Variants in ITGA9 observed in about 807,000 individuals in gnomAD.
The protein encoded by ITGA9 is integrin subunit alpha 9, also known as integrin alpha-9.
ITGA9 carries 56 observed loss-of-function variants against 127.8 expected under a neutral mutation model. The observed-to-expected ratio is 0.44, with a 90% confidence interval of 0.35 to 0.55. The LOEUF (loss-of-function observed/expected upper bound fraction) is 0.55. ITGA9 is among the 20% of genes least tolerant of loss of function. ITGA9 has a pLI of 0.00. For missense variants in ITGA9, 1,196 were observed against 1,347.1 expected (o/e 0.89, Z 1.76); for synonymous variants, 508 against 514.5 (o/e 0.99, Z 0.17).
chr3:37,504,327 G>A (rs949871281), intron 6 of ITGA9, among the ~76,000 whole-genome samples: 3 of 152,162 alleles, frequency 2.0e-5, no homozygotes, highest in Non-Finnish European at 2.9e-5. Flanking sequence ...ACATTTTATA[G>A]ATAAACTGAG....
At chr3:37,746,314 C>T (rs559846776) in intron 22 of ITGA9, among the ~76,000 whole-genome samples, 3 of 152,294 alleles carry the variant, frequency 2.0e-5, no homozygotes, top group South Asian at 2.1e-4. Flanking sequence ...CCATTGTACA[C>T]AGGAGAAAGG....
intron 15 of ITGA9, among the ~76,000 whole-genome samples, chr3:37,627,924 G>T (rs1194982232): frequency 6.6e-6 from 1 of 152,196 alleles, no homozygotes; most frequent in African/African-American, 2.4e-5. Context: ...CCCCAAACTG[G>T]CAGGCACATC....
chr3:37,730,147 T>C (rs1696269847), intron 18 of ITGA9, among the ~76,000 whole-genome samples: 1 of 152,202 alleles, frequency 6.6e-6, no homozygotes, highest in East Asian at 1.9e-4. Context: ...TATATGTGTA[T>C]GTGTGAGATA....
At chr3:37,668,281 C>T (rs1700604545) in intron 17 of ITGA9, among the ~76,000 whole-genome samples, 1 of 152,220 alleles carries the variant, frequency 6.6e-6, no homozygotes. Flanking sequence ...TCATAGCGGC[C>T]TTCCTCCTGA....
At chr3:37,579,236 G>A (rs1416072428) in intron 15 of ITGA9, among the ~76,000 whole-genome samples, 4 of 152,216 alleles carry the variant, frequency 2.6e-5, no homozygotes, top group Admixed American at 2.6e-4. Flanking sequence ...AGTTTATGCA[G>A]TAGAGGTTTA....
intron 22 of ITGA9, 148 bp from the exon 23 acceptor site, chr3:37,750,314 C>A: frequency 1.5e-6 from 1 of 654,012 alleles, no homozygotes; most frequent in Non-Finnish European, 2.8e-6. Context: ...TTCAGTAGTT[C>A]ACTTTACTTC....
chr3:37,629,561 C>G lies in ITGA9; in HGVS notation c.1839+225C>G. On this transcript the variant is annotated intron_variant, in intron 16 of 27. Coordinates refer to ENST00000264741, the MANE Select transcript of ITGA9 (RefSeq NM_002207.3). The surrounding 1 kb of genome is among the most constrained non-coding windows in gnomAD (Gnocchi z 4.5). The stretch of plus-strand genomic sequence containing the variant: ...GACTTAAACACTTTCAGACAATTCT[C>G]AGGCTGTTAGAAGTTACAATCCCCT... 1 of 635,482 alleles carries G rather than the reference C, an allele frequency of 1.6e-6. No homozygotes were observed. Among genetic ancestry groups the G allele is most frequent in the South Asian group, 1.8e-5 (1 of 54,430 alleles). 39.4% of individuals were successfully genotyped at this position (635,482 alleles called of 1,614,324 possible).
At chr3:37,669,951 A>G (rs1390163552) in intron 17 of ITGA9, among the ~76,000 whole-genome samples, 1 of 152,154 alleles carries the variant, frequency 6.6e-6, no homozygotes, top group Non-Finnish European at 1.5e-5. Flanking sequence ...AAGGGGACAG[A>G]TGATGTTCAG....
At chr3:37,627,500 G>A (rs1452716004) in intron 15 of ITGA9, among the ~76,000 whole-genome samples, 4 of 152,132 alleles carry the variant, frequency 2.6e-5, no homozygotes, top group Non-Finnish European at 5.9e-5. Context: ...CTGTGGCCCC[G>A]TACACGTAGG....
At chr3:37,742,644 C>T (rs1258771214) in intron 21 of ITGA9, among the ~76,000 whole-genome samples, 1 of 152,180 alleles carries the variant, frequency 6.6e-6, no homozygotes, top group Non-Finnish European at 1.5e-5. Flanking sequence ...GCAAGCTGAA[C>T]TTTCTGGAGG....
In ITGA9 at chr3:37,519,265, G is replaced by T; in HGVS notation, c.1147G>T (p.Ala383Ser). ...DLDNDGFPDVAIGAPKEDDFA... is the reference protein window; with the variant it reads ...DLDNDGFPDVSIGAPKEDDFA... ...AGCTGTTTTTTTACCCTCAGATGTG[G>T]CCATTGGTGCACCCAAGGAGGATGA... Residue 383 changes from alanine (A) to serine (S), a missense_variant, in exon 11 of 28, where the codon GCC (alanine) becomes TCC (serine). Ala to Ser is a moderately conservative substitution (Grantham distance 99). Coordinates refer to ENST00000264741, the MANE Select transcript of ITGA9 (RefSeq NM_002207.3). The T allele has an allele frequency of 6.2e-7, 1 of 1,613,720 alleles. No homozygotes were observed. Among genetic ancestry groups the T allele is most frequent in the Middle Eastern group, 1.6e-4 (1 of 6,062 alleles).
At chr3:37,564,811 A>G (rs1425174691) in intron 15 of ITGA9, among the ~76,000 whole-genome samples, 4 of 152,200 alleles carry the variant, frequency 2.6e-5, no homozygotes, top group East Asian at 1.9e-4. Flanking sequence ...CTCATCCACC[A>G]CTACAGCCAC....
chr3:37,659,501 G>T (rs767657946), intron 17 of ITGA9, among the ~76,000 whole-genome samples: 10 of 151,728 alleles, frequency 6.6e-5, no homozygotes, highest in Non-Finnish European at 1.3e-4. Context: ...GCTTCATGAA[G>T]TTCTCGTGCT....
chr3:37,522,263 T>A (rs1179806131), intron 11 of ITGA9, among the ~76,000 whole-genome samples: 1 of 151,722 alleles, frequency 6.6e-6, no homozygotes, highest in African/African-American at 2.4e-5. Context: ...GCAGAAGGAG[T>A]AGGTCAGACC....
chr3:37,699,885 A>G (rs1700927486), intron 18 of ITGA9, among the ~76,000 whole-genome samples: 1 of 152,184 alleles, frequency 6.6e-6, no homozygotes. Flanking sequence ...CTGTGCTTAA[A>G]TGTCACCTGA....
At chr3:37,637,892 T>G in intron 16 of ITGA9, among the ~76,000 whole-genome samples, 1 of 152,128 alleles carries the variant, frequency 6.6e-6, no homozygotes, top group Non-Finnish European at 1.5e-5. Flanking sequence ...AGGCTGGTCT[T>G]GAACTCCTGA....
intron 18 of ITGA9, among the ~76,000 whole-genome samples, chr3:37,713,172 G>A (rs766842270): frequency 1.1e-4 from 17 of 152,120 alleles, no homozygotes; most frequent in Non-Finnish European, 1.6e-4. Flanking sequence ...ATGATGGCTC[G>A]CTGATGGGAG....
chr3:37,761,038 C>T (rs962241565), intron 23 of ITGA9, among the ~76,000 whole-genome samples: 1 of 152,034 alleles, frequency 6.6e-6, no homozygotes, highest in Non-Finnish European at 1.5e-5. Flanking sequence ...TCATGCCTGT[C>T]ATCCCAGCAC....
intron 1 of ITGA9, among the ~76,000 whole-genome samples, chr3:37,454,816 A>G (rs1454836284): frequency 6.6e-6 from 1 of 151,848 alleles, no homozygotes; most frequent in Non-Finnish European, 1.5e-5. Flanking sequence ...TTTTCCCAGT[A>G]TTCTTTGTCT....
Sources: allele counts gnomAD v4.1 joint callset (sites outside exome capture counted in the v4.1 genomes callset), GRCh38; gene constraint gnomAD v4.1.1; non-coding constraint Gnocchi (gnomAD v3.1); transcripts MANE v1.5; gene names NCBI Gene and HGNC (gene_info 2026-07-23, HGNC 2026-07-21).